Variants in ZNF837 observed in about 807,000 individuals in gnomAD.
ZNF837 encodes the protein zinc finger protein 837.
For missense variants in ZNF837, 955 were observed against 801.7 expected (o/e 1.19, Z -2.31); for synonymous variants, 475 against 365.2 (o/e 1.30, Z -3.43).
rs773388390 is a variant in ZNF837, at chr19:58,367,962, G to A, written c.1371C>T (p.Arg457=). ...CGTGCTGGCGCAGCTCGGAGCAGCC[G>A]CGGAAGGTCTTTCCGCACTCGGAGC... The part of the protein sequence containing the change: ...YGCSECGKTF[R]GCSELRQHER... The change falls in exon 3 of 3, where the codon CGC becomes CGT. Residue 457 remains arginine (R), a synonymous_variant. Coordinates refer to ENST00000597582, the MANE Select transcript of ZNF837 (RefSeq NM_138466.2). 6.5e-6 allele frequency: 10 copies of A among 1,532,616 alleles called. No homozygotes were observed. In the Admixed American group the frequency reaches 1.4e-4, roughly 21 times the overall value. 94.9% of individuals were successfully genotyped at this position (1,532,616 alleles called of 1,614,324 possible). A position where few individuals can be genotyped will look rare whatever the true frequency, so the allele number is the denominator to read the frequency against.
chr19:58,372,885 C>G (rs962238128), intron 1 of ZNF837, among the ~76,000 whole-genome samples: 7 of 152,204 alleles, frequency 4.6e-5, no homozygotes, highest in African/African-American at 1.2e-4. Context: ...GGCCCGGTTC[C>G]TGCTCTGCTG....
rs1286518419 is a variant in ZNF837, at chr19:58,368,145, G to A, written c.1188C>T (p.Cys396=). ...TGEKPYACPE[C]GKAFNQRSNL... ...TCGAGCGCTGGTTGAAGGCCTTGCC[G>A]CACTCGGGGCACGCGTAGGGCTTCT... is the stretch of plus-strand genomic sequence containing the variant. The change falls in exon 3 of 3, where the codon TGC becomes TGT. Residue 396 remains cysteine (C), a synonymous_variant. Transcript: ENST00000597582. 1.3e-6 allele frequency: 2 copies of A among 1,587,798 alleles called. No individual in the cohort carries two copies. The highest frequency in any genetic ancestry group is 2.3e-5 in the East Asian group (1 of 43,658).
At chr19:58,373,010 G>T (rs1277918440) in intron 1 of ZNF837, among the ~76,000 whole-genome samples, 1 of 152,190 alleles carries the variant, frequency 6.6e-6, no homozygotes, top group Admixed American at 6.5e-5. Context: ...GTAAGGACAA[G>T]GGGACTCTGG....
In ZNF837 at chr19:58,369,302, C is replaced by T. The variant is rs2052178914; in HGVS notation, c.31G>A (p.Gly11Arg). The change falls in exon 3 of 3, where the codon GGA becomes AGA. Residue 11 changes from glycine (G) to arginine (R), a missense_variant. Gly to Arg is a moderately radical substitution (Grantham distance 125, BLOSUM62 -2). Coordinates refer to ENST00000597582, the MANE Select transcript of ZNF837 (RefSeq NM_138466.2). Reference sequence around the variant, plus strand: ...TGGGCATCGGCCTTGGGGAGTCCTCCCTGCCCAGCCTTCTGGGCTGGAGCC... The same window carrying T: ...TGGGCATCGGCCTTGGGGAGTCCTCTCTGCCCAGCCTTCTGGGCTGGAGCC... MEAPAQKAGQ[G>R]GLPKADAQGA... The T allele has an allele frequency of 7.2e-7, 1 of 1,380,332 alleles. No homozygotes were observed. Among genetic ancestry groups the T allele is most frequent in the East Asian group, 2.9e-5 (1 of 34,164 alleles). 85.5% of individuals were successfully genotyped at this position (1,380,332 alleles called of 1,614,324 possible).
intron 1 of ZNF837, among the ~76,000 whole-genome samples, chr19:58,380,015 C>CAA: frequency 7.7e-6 from 1 of 129,662 alleles, no homozygotes; most frequent in Non-Finnish European, 1.8e-5. Context: ...ACAACAACAA[C>CAA]AACAACAAAA....
chr19:58,373,473 G>A (rs1199419437), intron 1 of ZNF837, among the ~76,000 whole-genome samples: 1 of 152,202 alleles, frequency 6.6e-6, no homozygotes, highest in African/African-American at 2.4e-5. Flanking sequence ...CACCTCCCAC[G>A]CAGGTGGAAG....
intron 1 of ZNF837, among the ~76,000 whole-genome samples, chr19:58,378,906 C>T (rs930862765): frequency 6.6e-6 from 1 of 152,098 alleles, no homozygotes; most frequent in Non-Finnish European, 1.5e-5. Context: ...CGCCAGAAGC[C>T]GGAAGAGGCA....
rs888204014 is a variant in ZNF837, at chr19:58,369,269, A to G, written c.64T>C (p.Ser22Pro). ...GLPKADAQGA[S>P]GAREKRPEEP... ...TCGGGCCTCTTCTCCCGGGCCCCGGAGGCACCCTGGGCATCGGCCTTGGGG... is the reference window on the plus strand; with the variant it reads ...TCGGGCCTCTTCTCCCGGGCCCCGGGGGCACCCTGGGCATCGGCCTTGGGG... The change falls in exon 3 of 3, where the codon TCC becomes CCC. Residue 22 changes from serine (S) to proline (P), a missense_variant. Physicochemically the swap from Ser to Pro is moderately conservative, Grantham distance 74. Coordinates refer to ENST00000597582, the MANE Select transcript of ZNF837 (RefSeq NM_138466.2). 2.2e-5 allele frequency: 31 copies of G among 1,408,818 alleles called. No individual in the cohort carries two copies. In the African/African-American group the frequency reaches 3.3e-4, roughly 15 times the overall value. 87.3% of individuals were successfully genotyped at this position (1,408,818 alleles called of 1,614,324 possible). A position where few individuals can be genotyped will look rare whatever the true frequency, so the allele number is the denominator to read the frequency against.
In ZNF837 at chr19:58,368,174, C is replaced by T. The variant is rs1251977180; in HGVS notation, c.1159G>A (p.Gly387Ser). 16 of 1,585,500 alleles carry T rather than the reference C, an allele frequency of 1.0e-5. No individual in the cohort carries two copies. The South Asian group carries it at 1.1e-4, about 11-fold the overall frequency. The change falls in exon 3 of 3, where the codon GGC becomes AGC. Residue 387 changes from glycine (G) to serine (S), a missense_variant. Physicochemically the swap from Gly to Ser is moderately conservative, Grantham distance 56. Coordinates refer to ENST00000597582, the MANE Select transcript of ZNF837 (RefSeq NM_138466.2). The part of the protein sequence containing the change: ...HLVEHRRVHT[G>S]EKPYACPECG... ...TCGGGGCACGCGTAGGGCTTCTCGC[C>T]GGTGTGCACGCGCCGGTGCTCCACG...
chr19:58,368,576 C>G lies in ZNF837; in HGVS notation c.757G>C (p.Gly253Arg). The G allele has an allele frequency of 1.3e-6, 2 of 1,536,282 alleles. No homozygotes were observed. The highest frequency in any genetic ancestry group is 3.4e-4 in the Middle Eastern group (2 of 5,958). ...ATAGGGCGAGGTCGCGAGGTTTGGC[C>G]GCACTCAGGACACACTGGGGGACTC... The part of the protein sequence containing the change: ...GKSPPVCPEC[G>R]QTSRPRPIVP... Residue 253 changes from glycine (G) to arginine (R), a missense_variant, in exon 3 of 3, where the codon GGC (glycine) becomes CGC (arginine). Coordinates refer to ENST00000597582, the MANE Select transcript of ZNF837 (RefSeq NM_138466.2).
rs577273433 is a variant in ZNF837 at position 58,368,537 on chromosome 19, G to C, written c.796C>G (p.Pro266Ala). 5 of 1,541,188 alleles carry C rather than the reference G, an allele frequency of 3.2e-6. No homozygotes were observed. Among genetic ancestry groups the C allele is most frequent in the Non-Finnish European group, 4.4e-6 (5 of 1,144,678 alleles). Residue 266 changes from proline to alanine, a missense_variant, in exon 3 of 3, where the codon CCG becomes GCG. Pro to Ala is a conservative substitution (Grantham distance 27). Transcript: ENST00000597582. ...TCGCAAGCGTACAGTCGCTGGGCCG[G>C]GGGGTCGGGGACAATAGGGCGAGGT... ...SRPRPIVPDP[P>A]AQRLYACDEC...
intron 1 of ZNF837, 128 bp from the exon 2 acceptor site, chr19:58,370,056 G>C (rs922043136): frequency 1.3e-5 from 2 of 152,210 alleles, no homozygotes; most frequent in Non-Finnish European, 2.9e-5. Flanking sequence ...AAATTACACT[G>C]TGGCTGTATT....
chr19:58,375,128 A>G (rs34602933), intron 1 of ZNF837, among the ~76,000 whole-genome samples: 58,350 of 145,012 alleles, frequency 0.4, 12,198 homozygotes, highest in Middle Eastern at 0.51. Flanking sequence ...GTGTGGTGGC[A>G]GGCGCCTGTA....
chr19:58,369,177 T>C lies in ZNF837; in HGVS notation c.156A>G (p.Gly52=). 1.4e-6 allele frequency: 2 copies of C among 1,449,894 alleles called. No individual in the cohort carries two copies. The highest frequency in any genetic ancestry group is 1.5e-5 in the African/African-American group (1 of 67,816). The allele number at this position is 1,449,894 out of a possible 1,614,324, so 89.8% of individuals were successfully genotyped here. Residue 52 remains glycine, a synonymous_variant, in exon 3 of 3, where the codon GGA becomes GGG. Transcript: ENST00000597582. ...GGGGAGTCGTCCTACCGCCCGCCGC[T>C]CCACGCAGGTCCCCCTTTTGAGTGG... ...SRPTQKGDLR[G]AAGGRTTPPG...
chr19:58,368,927 C>T lies in ZNF837; in HGVS notation c.406G>A (p.Ala136Thr). ...RNSCLAWHRG[A>T]PAGETPPVCD... is the part of the protein sequence containing the mutation. ...ACGGGTGGCGTCTCCCCAGCGGGCG[C>T]CCCGCGATGCCACGCCAGGCAGGAG... Residue 136 changes from alanine (A) to threonine (T), a missense_variant, in exon 3 of 3, where the codon GCG becomes ACG. Coordinates refer to ENST00000597582, the MANE Select transcript of ZNF837 (RefSeq NM_138466.2). 1 of 1,545,992 alleles carries T rather than the reference C, an allele frequency of 6.5e-7. No homozygotes were observed. The highest frequency in any genetic ancestry group is 8.7e-7 in the Non-Finnish European group (1 of 1,144,424).
chr19:58,367,761 C>G lies in ZNF837; in HGVS notation c.1572G>C (p.Arg524=). The G allele has an allele frequency of 6.5e-7, 1 of 1,533,048 alleles. No homozygotes were observed. The highest frequency in any genetic ancestry group is 8.7e-7 in the Non-Finnish European group (1 of 1,144,866). 95.0% of individuals were successfully genotyped at this position (1,533,048 alleles called of 1,614,324 possible). The change falls in exon 3 of 3, where the codon CGG becomes CGC. Residue 524 remains arginine, a synonymous_variant. Coordinates refer to ENST00000597582, the MANE Select transcript of ZNF837 (RefSeq NM_138466.2). ...GTCAAGGCGCGGCGCGGCCCCCGTG[C>G]CGCTTCCGGTGCTCGTTGAGGTTGG... ...QRSNLNEHRK[R]HGGRAAP
rs1001424853 is a variant in ZNF837 at position 58,368,975 on chromosome 19, G to T, written c.358C>A (p.Arg120Ser). ...GAGTTCCTGCTGCAGTCCCCGCCACGCGCTGGGCTCCTACAGGGGCCCTCC... is the reference window on the plus strand; with the variant it reads ...GAGTTCCTGCTGCAGTCCCCGCCACTCGCTGGGCTCCTACAGGGGCCCTCC... ...AREGPCRSPA[R>S]GGDCSRNSCL... Residue 120 changes from arginine to serine, a missense_variant, in exon 3 of 3, where the codon CGT becomes AGT. Arg to Ser is a moderately radical substitution (Grantham distance 110, BLOSUM62 -1). Transcript: ENST00000597582. 16 of 1,531,948 alleles carry T rather than the reference G, an allele frequency of 1.0e-5. No individual in the cohort carries two copies. Among genetic ancestry groups the T allele is most frequent in the Non-Finnish European group, 1.1e-5 (13 of 1,136,024 alleles). 94.9% of individuals were successfully genotyped at this position (1,531,948 alleles called of 1,614,324 possible).
In ZNF837 at chr19:58,368,008, G is replaced by C; in HGVS notation, c.1325C>G (p.Thr442Ser). 1 of 1,533,000 alleles carries C rather than the reference G, an allele frequency of 6.5e-7. No individual in the cohort carries two copies. Among genetic ancestry groups the C allele is most frequent in the South Asian group, 1.2e-5 (1 of 83,842 alleles). 95.0% of individuals were successfully genotyped at this position (1,533,000 alleles called of 1,614,324 possible). A position where few individuals can be genotyped will look rare whatever the true frequency, so the allele number is the denominator to read the frequency against. ...GGAGCAGCCATAGGGCCGCTCGCCG[G>C]TGTGCGCGCGCTGGTGTTGCACCAG... is the stretch of plus-strand genomic sequence containing the variant. ...SGLVQHQRAH[T>S]GERPYGCSEC... Residue 442 changes from threonine (T) to serine (S), a missense_variant, in exon 3 of 3, where the codon ACC (threonine) becomes AGC (serine). By Grantham distance (58) the Thr-to-Ser change is moderately conservative. Coordinates refer to ENST00000597582, the MANE Select transcript of ZNF837 (RefSeq NM_138466.2).
chr19:58,374,653 AC>A (rs2052226793), intron 1 of ZNF837, among the ~76,000 whole-genome samples: 1 of 152,128 alleles, frequency 6.6e-6, no homozygotes, highest in African/African-American at 2.4e-5. Context: ...ATATACTAAA[AC>A]CTGGCCAGGC....
Sources: allele counts gnomAD v4.1 joint callset (sites outside exome capture counted in the v4.1 genomes callset), GRCh38; gene constraint gnomAD v4.1.1; transcripts MANE v1.5; gene names NCBI Gene and HGNC (gene_info 2026-07-23, HGNC 2026-07-21).